Variants in ADAMTS16 observed in about 807,000 individuals in gnomAD.
The protein encoded by ADAMTS16 is ADAM metallopeptidase with thrombospondin type 1 motif 16.
In ADAMTS16, 94 loss-of-function variants were observed where a neutral mutation model predicts 145.8. The ratio of observed to expected loss-of-function variants is 0.64; its 90% CI spans 0.55 to 0.77. The LOEUF is 0.77. ADAMTS16 is among the 30% of genes least tolerant of loss of function. The pLI is 0.00. For missense variants in ADAMTS16, 1,585 were observed against 1,591.5 expected, an observed-to-expected ratio of 1.00 and a Z score of 0.07; for synonymous variants, 659 against 604.3, an observed-to-expected ratio of 1.09 and a Z score of -1.33.
intron 3 of ADAMTS16, among the ~76,000 whole-genome samples, chr5:5,162,678 A>G (rs908542091): frequency 1.3e-5 from 2 of 152,108 alleles, no homozygotes; most frequent in Non-Finnish European, 2.9e-5. Context: ...TCTGGTGGCT[A>G]TCAGCTCCCA....
intron 18 of ADAMTS16, among the ~76,000 whole-genome samples, chr5:5,270,398 C>A (rs553631925): frequency 6.6e-6 from 1 of 152,286 alleles, no homozygotes; most frequent in South Asian, 2.1e-4. Context: ...CCTCCCTGGG[C>A]TCGACCCTGC....
chr5:5,222,513 G>T (rs1020476204), intron 10 of ADAMTS16, among the ~76,000 whole-genome samples: 1 of 151,984 alleles, frequency 6.6e-6, no homozygotes, highest in African/African-American at 2.4e-5. Flanking sequence ...TCTGAATTAA[G>T]CATATTTTAC....
intron 14 of ADAMTS16, among the ~76,000 whole-genome samples, chr5:5,238,090 G>C (rs1370742333): frequency 6.6e-6 from 1 of 152,052 alleles, no homozygotes; most frequent in African/African-American, 2.4e-5. Context: ...AATACATGAG[G>C]GTTAGGCTGG....
chr5:5,314,199 C>T (rs1012089282), intron 21 of ADAMTS16, among the ~76,000 whole-genome samples: 7 of 152,152 alleles, frequency 4.6e-5, no homozygotes, highest in African/African-American at 1.7e-4. Flanking sequence ...AGAGAGAGAG[C>T]ACACCAAGGC....
In ADAMTS16 at chr5:5,319,197, A is replaced by C; in HGVS notation, c.*59A>C. The C allele has an allele frequency of 7.9e-7, 1 of 1,265,652 alleles. No homozygotes were observed. Among genetic ancestry groups the C allele is most frequent in the Non-Finnish European group, 1.1e-6 (1 of 884,830 alleles). The allele number at this position is 1,265,652 out of a possible 1,614,324, so 78.4% of individuals were successfully genotyped here. On this transcript the variant is annotated 3_prime_UTR_variant, in exon 23 of 23. Transcript: ENST00000274181. ...TGCGTGGCACAGAAATTTCCCACAA[A>C]TGAGCTGTGCAATCTACGTCGGAAT...
At chr5:5,245,662 C>CCT (rs1043696112) in intron 17 of ADAMTS16, among the ~76,000 whole-genome samples, 97 of 152,282 alleles carry the variant, frequency 6.4e-4, no homozygotes, top group Non-Finnish European at 1.1e-3. Context: ...ATTTCTCCCA[C>CCT]CTCTTGCTTC....
chr5:5,290,063 T>G (rs73735792), intron 18 of ADAMTS16, among the ~76,000 whole-genome samples: 1 of 152,222 alleles, frequency 6.6e-6, no homozygotes, highest in Non-Finnish European at 1.5e-5. Context: ...ACTTAGATGA[T>G]GTATTGTTTA....
chr5:5,142,838 G>T (rs1399286660), intron 2 of ADAMTS16, among the ~76,000 whole-genome samples: 1 of 152,100 alleles, frequency 6.6e-6, no homozygotes, highest in Non-Finnish European at 1.5e-5. Flanking sequence ...AAAAAGCATG[G>T]TACTGGTACC....
intron 20 of ADAMTS16, among the ~76,000 whole-genome samples, chr5:5,305,013 CCA>C (rs746640387): frequency 0.015 from 1,082 of 71,610 alleles, 88 homozygotes; most frequent in African/African-American, 0.049. Context: ...ACATCCCACA[CCA>C]CACACACACA....
intron 11 of ADAMTS16, among the ~76,000 whole-genome samples, chr5:5,225,132 A>T (rs1579323157): frequency 6.6e-6 from 1 of 152,284 alleles, no homozygotes; most frequent in African/African-American, 2.4e-5. Flanking sequence ...CTGGCTGTTC[A>T]GTGGCCAGTG....
intron 3 of ADAMTS16, among the ~76,000 whole-genome samples, chr5:5,159,665 G>T (rs1421053556): frequency 6.6e-6 from 1 of 152,188 alleles, no homozygotes; most frequent in Non-Finnish European, 1.5e-5. Flanking sequence ...AATAGGATTA[G>T]AATGTATTTT....
At chr5:5,309,861 TGATCA>T (rs1212818498) in intron 21 of ADAMTS16, among the ~76,000 whole-genome samples, 2 of 147,904 alleles carry the variant, frequency 1.4e-5, no homozygotes, top group Non-Finnish European at 3.0e-5. Context: ...TGTGTGCATG[TGATCA>T]GAAGAGGGAG....
At chr5:5,152,301 G>A (rs763569756) in intron 3 of ADAMTS16, among the ~76,000 whole-genome samples, 2 of 152,200 alleles carry the variant, frequency 1.3e-5, no homozygotes, top group Non-Finnish European at 2.9e-5. Flanking sequence ...GCAGAGCTCC[G>A]GTGGGGATGG....
chr5:5,216,647 G>T, intron 10 of ADAMTS16, among the ~76,000 whole-genome samples: 1 of 141,684 alleles, frequency 7.1e-6, no homozygotes. Context: ...GGGTACATGT[G>T]CACATTGTGC....
chr5:5,316,123 AG>A (rs1376330086), intron 21 of ADAMTS16, among the ~76,000 whole-genome samples: 24 of 152,168 alleles, frequency 1.6e-4, no homozygotes, highest in African/African-American at 5.6e-4. Flanking sequence ...GGTCCCAGAA[AG>A]GTTCAGTCCC....
rs1271051863 is a variant in ADAMTS16, at chr5:5,240,010, TAAG to T, written c.2523+91_2523+93del. ...AAGTTAATGGCTGTTGGCATAATTT[TAAG>T]AAGAATGTAAACAGTTATAAAAAGA... On this transcript the variant is annotated intron_variant, in intron 16 of 22. Transcript: ENST00000274181. 4.1e-5 allele frequency: 64 copies of T among 1,543,574 alleles called. No individual in the cohort carries two copies. The East Asian group carries it at 1.4e-3, about 34-fold the overall frequency.
At chr5:5,249,286 G>A (rs1293470394) in intron 17 of ADAMTS16, among the ~76,000 whole-genome samples, 2 of 152,218 alleles carry the variant, frequency 1.3e-5, no homozygotes, top group African/African-American at 4.8e-5. Flanking sequence ...GAACTGGAGT[G>A]TAGTTTCTTT....
chr5:5,265,944 A>G (rs1176410112), intron 18 of ADAMTS16, among the ~76,000 whole-genome samples: 1 of 151,648 alleles, frequency 6.6e-6, no homozygotes, highest in Non-Finnish European at 1.5e-5. Flanking sequence ...CCGAGTTACC[A>G]GTGCTATGAA....
intron 18 of ADAMTS16, among the ~76,000 whole-genome samples, chr5:5,298,709 C>A (rs1184285662): frequency 6.6e-6 from 1 of 152,196 alleles, no homozygotes; most frequent in East Asian, 1.9e-4. Context: ...AATTTACTTA[C>A]ATTATATTAG....
Sources: allele counts gnomAD v4.1 joint callset (sites outside exome capture counted in the v4.1 genomes callset), GRCh38; gene constraint gnomAD v4.1.1; transcripts MANE v1.5; gene names NCBI Gene and HGNC (gene_info 2026-07-23, HGNC 2026-07-21).